JPH3: variants seen among roughly 807,000 people sequenced by gnomAD.
The protein encoded by JPH3 is junctophilin 3, also known as junctophilin-3.
JPH3 carries 11 observed loss-of-function variants against 59.6 expected under a neutral mutation model. The observed-to-expected ratio is 0.18, with a 90% CI of 0.12 to 0.31. The LOEUF (loss-of-function observed/expected upper bound fraction) is 0.31, where lower values mean the gene tolerates loss of function less well. Among genes scored for constraint, JPH3 ranks in the 10% least tolerant of loss-of-function variants. The pLI, the probability that JPH3 is intolerant of heterozygous loss-of-function variation, is 1.00. For missense variants in JPH3, 1,202 were observed against 1,105.7 expected (o/e 1.09, Z -1.24); for synonymous variants, 673 against 483.6 (o/e 1.39, Z -5.14).
intron 1 of JPH3, among the ~76,000 whole-genome samples, chr16:87,626,509 G>T (rs114624514): frequency 0.022 from 3,366 of 152,328 alleles, 134 homozygotes; most frequent in African/African-American, 0.077. Flanking sequence ...AGTGGTGTGG[G>T]GGCCCCTGTG....
At chr16:87,605,335 T>G (rs2030479265) in intron 1 of JPH3, among the ~76,000 whole-genome samples, 1 of 152,172 alleles carries the variant, frequency 6.6e-6, no homozygotes. Context: ...TTTCTTTCAT[T>G]CAACAAATAC....
chr16:87,644,805 G>A lies in JPH3; in HGVS notation c.930G>A (p.Lys310=). The A allele has an allele frequency of 1.9e-6, 3 of 1,613,272 alleles. No homozygotes were observed. Among genetic ancestry groups the A allele is most frequent in the Non-Finnish European group, 2.5e-6 (3 of 1,179,806 alleles). The change falls in exon 2 of 5, where the codon AAG becomes AAA. Residue 310 remains lysine (K), a synonymous_variant. Coordinates refer to ENST00000284262, the MANE Select transcript of JPH3 (RefSeq NM_020655.4). ...TGAGCCAGCGCTCGGACGGGCTCAA[G>A]TACGAGGGCGAGTGGGCCAGCAACC... ...FGVSQRSDGL[K]YEGEWASNRR...
intron 1 of JPH3, among the ~76,000 whole-genome samples, chr16:87,620,924 G>A (rs1034308757): frequency 2.0e-5 from 3 of 152,208 alleles, no homozygotes; most frequent in African/African-American, 7.2e-5. Flanking sequence ...ACTTTGGGAG[G>A]CTGAGGCCTG....
intron 1 of JPH3, among the ~76,000 whole-genome samples, chr16:87,619,722 G>T (rs567843140): frequency 6.6e-6 from 1 of 152,202 alleles, no homozygotes. Flanking sequence ...ACTGAGCGCC[G>T]ACTGTGTGCT....
chr16:87,663,300 G>C (rs1284765725), intron 2 of JPH3, among the ~76,000 whole-genome samples: 5 of 152,160 alleles, frequency 3.3e-5, no homozygotes, highest in Non-Finnish European at 7.3e-5. Context: ...TAGAGACAAG[G>C]CTTCACCACG....
Position 87,602,525 on chromosome 16 carries a change from C to A in JPH3, c.-622C>A, listed in dbSNP as rs1026545539. 1.4e-5 allele frequency among the ~76,000 whole-genome samples: 2 copies of A among 139,534 alleles called. No homozygotes were observed. The highest frequency in any genetic ancestry group is 5.1e-5 in the African/African-American group (2 of 39,098). 91.5% of individuals were successfully genotyped at this position (139,534 alleles called of 152,430 possible). ...CGCGGCCCGAGCGCGCGAGCCGGGC[C>A]CGGAGCGCACGCCGCCGCCGCCACC... On this transcript the variant is annotated 5_prime_UTR_variant, in exon 1 of 5. Coordinates refer to ENST00000284262, the MANE Select transcript of JPH3 (RefSeq NM_020655.4).
intron 1 of JPH3, among the ~76,000 whole-genome samples, chr16:87,623,448 A>G (rs1469198108): frequency 6.6e-6 from 1 of 152,226 alleles, no homozygotes; most frequent in Non-Finnish European, 1.5e-5. Context: ...TGTGGGGGAC[A>G]TGCCGTTTCC....
rs575129522 is a variant in JPH3 at position 87,648,158 on chromosome 16, G to A, written c.1160+3123G>A. 3.3e-5 allele frequency among the ~76,000 whole-genome samples: 5 copies of A among 152,292 alleles called. No individual in the cohort carries two copies. The East Asian group carries it at 5.8e-4, about 18-fold the overall frequency. ...AGGTGGGAGGCTACACAGTATTTTT[G>A]GTCATCAGAGGATGGAGGATGAGCC... is the stretch of plus-strand genomic sequence containing the variant. On this transcript the variant is annotated intron_variant, in intron 2 of 4. Transcript: ENST00000284262.
intron 2 of JPH3, among the ~76,000 whole-genome samples, chr16:87,658,124 G>C (rs2032568723): frequency 6.6e-6 from 1 of 152,204 alleles, no homozygotes; most frequent in Non-Finnish European, 1.5e-5. Context: ...CCACCTGTGT[G>C]TTAATGGGCC....
intron 2 of JPH3, among the ~76,000 whole-genome samples, chr16:87,650,743 C>CT (rs2032301818): frequency 6.6e-6 from 1 of 152,214 alleles, no homozygotes; most frequent in African/African-American, 2.4e-5. Flanking sequence ...CAAGGCTCAA[C>CT]TCTAATGCTG....
At chr16:87,685,169 C>T (rs1304607606) in intron 3 of JPH3, among the ~76,000 whole-genome samples, 6 of 152,194 alleles carry the variant, frequency 3.9e-5, no homozygotes, top group African/African-American at 1.4e-4. Flanking sequence ...CTGACTGGAA[C>T]GCGAGACCAC....
At chr16:87,641,675 C>T (rs529144172) in intron 1 of JPH3, among the ~76,000 whole-genome samples, 8 of 152,360 alleles carry the variant, frequency 5.3e-5, no homozygotes, top group Non-Finnish European at 1.2e-4. Context: ...CCTTTTTCAA[C>T]GGAGAGGCTG....
At chr16:87,639,618 T>G (rs62053783) in intron 1 of JPH3, among the ~76,000 whole-genome samples, 2 of 150,260 alleles carry the variant, frequency 1.3e-5, no homozygotes, top group Non-Finnish European at 3.0e-5. Context: ...CTGTCCTCCC[T>G]CCTGGCCTCC....
chr16:87,609,607 C>G (rs2030658495), intron 1 of JPH3, among the ~76,000 whole-genome samples: 1 of 152,196 alleles, frequency 6.6e-6, no homozygotes, highest in African/African-American at 2.4e-5. Context: ...GCTCTGAAGT[C>G]TAAGGTGTAT....
intron 1 of JPH3, among the ~76,000 whole-genome samples, chr16:87,622,687 G>A (rs2031231124): frequency 6.6e-6 from 1 of 151,934 alleles, no homozygotes; most frequent in African/African-American, 2.4e-5. Context: ...GAGGGTGCAT[G>A]GGGTCTGGGG....
intron 1 of JPH3, among the ~76,000 whole-genome samples, chr16:87,608,632 G>T (rs1290572072): frequency 6.6e-6 from 1 of 152,202 alleles, no homozygotes; most frequent in African/African-American, 2.4e-5. Context: ...CCTGGGTTGG[G>T]TGGACGGCTG....
chr16:87,689,075 C>G (rs574449657), intron 3 of JPH3, among the ~76,000 whole-genome samples: 3 of 152,166 alleles, frequency 2.0e-5, no homozygotes, highest in African/African-American at 7.2e-5. Flanking sequence ...TCCGGGGAGC[C>G]CCGCCCTAGG....
intron 2 of JPH3, among the ~76,000 whole-genome samples, chr16:87,656,457 C>G (rs2032504876): frequency 6.6e-6 from 1 of 152,212 alleles, no homozygotes; most frequent in African/African-American, 2.4e-5. Flanking sequence ...GAGCCACGTT[C>G]TGCCCCGGTA....
intron 2 of JPH3, among the ~76,000 whole-genome samples, chr16:87,649,782 G>A (rs2032271671): frequency 1.2e-5 from 1 of 82,284 alleles, no homozygotes; most frequent in Non-Finnish European, 2.9e-5. Context: ...ACCCCAGGGT[G>A]AAGGAGACAT....
Sources: gnomAD v4.1 joint callset for allele counts (sites outside exome capture counted in the v4.1 genomes callset) on GRCh38, gnomAD v4.1.1 for gene constraint, MANE v1.5 for transcripts, NCBI Gene and HGNC (gene_info 2026-07-23, HGNC 2026-07-21) for gene names.